Variants in ZNF34 observed in about 807,000 individuals in gnomAD.
ZNF34 encodes zinc finger protein 34 (KOX 32).
In ZNF34, 8 loss-of-function variants were observed where a neutral mutation model predicts 14.4. The ratio of observed to expected loss-of-function variants is 0.55; its 90% CI spans 0.33 to 1.00. The LOEUF is 1.00. Among genes scored for constraint, ZNF34 ranks in the 50% least tolerant of loss-of-function variants. ZNF34 has a pLI of 0.03. For synonymous variants in ZNF34, 235 were observed against 247.9 expected, an observed-to-expected ratio of 0.95 and a Z score of 0.49; for missense variants, 538 against 674.2, an observed-to-expected ratio of 0.80 and a Z score of 2.24.
At position 144,773,566 on chromosome 8, in the gene ZNF34, G is replaced by T. The variant is rs1003868744; in HGVS notation, c.1320C>A (p.His440Gln). Residue 440 changes from histidine to glutamine, a missense_variant, in exon 6 of 6, where the codon CAC (histidine) becomes CAA (glutamine). By Grantham distance (24) the His-to-Gln change is conservative. Transcript: ENST00000429371. The surrounding 1 kb of genome is among the most constrained non-coding windows in gnomAD (Gnocchi z 5.4). ...TGTGGATTCTCTGGTGCTGGATGAG[G>T]TGTGTGCTTTGGCTGAAAACTTTGC... ...DCGKVFSQST[H>Q]LIQHQRIHTG... The T allele has an allele frequency of 6.2e-7, 1 of 1,613,892 alleles. No homozygotes were observed. The highest frequency in any genetic ancestry group is 1.3e-5 in the African/African-American group (1 of 74,852).
intron 3 of ZNF34, 105 bp from the exon 4 acceptor site, chr8:144,778,269 T>C: frequency 6.7e-7 from 1 of 1,488,390 alleles, no homozygotes. Context: ...GTGGGTGGCC[T>C]GACCCATCTG....
At chr8:144,784,195 C>A in intron 1 of ZNF34, among the ~76,000 whole-genome samples, 1 of 146,656 alleles carries the variant, frequency 6.8e-6, no homozygotes. Context: ...TAAGGCAATA[C>A]CAAAAAAACA....
At position 144,779,043 on chromosome 8, in the gene ZNF34, T is replaced by G. The variant is rs562939404; in HGVS notation, c.-54-518A>C. On this transcript the variant is annotated intron_variant, in intron 2 of 5. Transcript: ENST00000429371. This position sits in a 1 kb window ranked among gnomAD's most constrained non-coding sequence, Gnocchi z 4.1. ...GGAAGGCTGCCCTGCCGCTCCATAA[T>G]CTAAGCCAAGGCATAAAAACCCTCA... 4.4e-4 allele frequency among the ~76,000 whole-genome samples: 67 copies of G among 152,140 alleles called. No homozygotes were observed. In the South Asian group the frequency reaches 5.4e-3, roughly 12 times the overall value.
rs559281166 is a variant in ZNF34, at chr8:144,772,625, C to T, written c.*641G>A. On this transcript the variant is annotated 3_prime_UTR_variant, in exon 6 of 6. Coordinates refer to ENST00000429371, the MANE Select transcript of ZNF34 (RefSeq NM_001286769.2). ...CACAGTCTTGGCTCACTGCAACCTC[C>T]GCCTCCCAGGTTCAAGCAATGCTCC... Among the ~76,000 whole-genome samples the T allele has an allele frequency of 5.8e-4, 88 of 152,268 alleles. 1 individual carries two copies. Among genetic ancestry groups the T allele is most frequent in the Non-Finnish European group, 1.1e-3 (75 of 68,012 alleles).
rs765400610 is a variant in ZNF34 at position 144,778,460 on chromosome 8, C to G, written c.12G>C (p.Leu4Phe). MAALFLSAPPQAEV... is the reference protein window; with the variant it reads MAAFFLSAPPQAEV... ...TCACCTGGGGTGGGGCAGACAGGAA[C>G]AAGGCCGCCATTGCCTGAGGGTTGG... The change falls in exon 3 of 6, where the codon TTG becomes TTC. Residue 4 changes from leucine to phenylalanine, a missense_variant. Around this residue, in one of 3 missense-constraint regions of ZNF34, gnomAD observed 431 missense variants for 525.7 expected, o/e 0.82. Transcript: ENST00000429371. 6.3e-6 allele frequency: 10 copies of G among 1,588,904 alleles called. No individual in the cohort carries two copies. Among genetic ancestry groups the G allele is most frequent in the Admixed American group, 5.4e-5 (3 of 55,810 alleles).
intron 5 of ZNF34, among the ~76,000 whole-genome samples, chr8:144,776,017 A>G (rs987472826): frequency 6.6e-6 from 1 of 152,160 alleles, no homozygotes; most frequent in Admixed American, 6.5e-5. Flanking sequence ...ACACACTATC[A>G]TTTCTGTTAA....
In ZNF34 at chr8:144,782,842, C is replaced by CAA. The variant is rs548252812; in HGVS notation, c.-107-2564_-107-2563dup. Among the ~76,000 whole-genome samples the CAA allele has an allele frequency of 6.8e-3, 155 of 22,918 alleles. 15 individuals carry two copies. The highest frequency in any genetic ancestry group is 0.018 in the East Asian group (3 of 164). 15.0% of individuals were successfully genotyped at this position (22,918 alleles called of 152,430 possible). On this transcript the variant is annotated intron_variant, in intron 1 of 5. Transcript: ENST00000429371. ...ACAGAGACAGAACCAAAGCCTATCTCAAAAAAAAAAAAAAAAAAAAAAAAA... is the reference window on the plus strand; with the variant it reads ...ACAGAGACAGAACCAAAGCCTATCTCAAAAAAAAAAAAAAAAAAAAAAAAAAA...
At chr8:144,785,144 T>C (rs1182005542) in intron 1 of ZNF34, among the ~76,000 whole-genome samples, 1 of 149,338 alleles carries the variant, frequency 6.7e-6, no homozygotes, top group Non-Finnish European at 1.5e-5. Flanking sequence ...AAGGATTCTG[T>C]ACAAGACACC....
At chr8:144,787,185 C>A (rs1249860412) in intron 1 of ZNF34, 94 bp downstream of exon 1, 1 of 152,352 alleles carries the variant, frequency 6.6e-6, no homozygotes, top group African/African-American at 2.4e-5. Flanking sequence ...TGCAGCACCG[C>A]GAGAGGACCG....
intron 1 of ZNF34, among the ~76,000 whole-genome samples, chr8:144,780,616 C>T (rs530985876): frequency 1.3e-5 from 2 of 151,586 alleles, no homozygotes; most frequent in East Asian, 2.0e-4. Flanking sequence ...GTGGTGAAAC[C>T]CTGTCTCTAC....
At chr8:144,778,548 G>GT in intron 2 of ZNF34, 23 bp from the exon 3 acceptor site, 1 of 1,526,932 alleles carries the variant, frequency 6.5e-7, no homozygotes, top group Non-Finnish European at 8.8e-7. Context: ...AACGCAACAA[G>GT]TGGAGGCCCA....
chr8:144,782,670 C>CTACAAAAAA (rs1236764097), intron 1 of ZNF34, among the ~76,000 whole-genome samples: 1 of 149,564 alleles, frequency 6.7e-6, no homozygotes, highest in African/African-American at 2.5e-5. Context: ...AAACCCCTCT[C>CTACAAAAAA]TACAAAAAAT....
In ZNF34 at chr8:144,773,981, A is replaced by C. The variant is rs377197556; in HGVS notation, c.905T>G (p.Met302Arg). 5.0e-6 allele frequency: 8 copies of C among 1,614,120 alleles called. No individual in the cohort carries two copies. ...CCCAGTGTGAATCCTCTGGTGCTTC[A>C]TGAGGTTGGGCCTCCGGGTGAATGT... is the stretch of plus-strand genomic sequence containing the variant. ...GKTFTRRPNLMKHQRIHTGEK... is the reference protein window; with the variant it reads ...GKTFTRRPNLRKHQRIHTGEK... The change falls in exon 6 of 6, where the codon ATG becomes AGG. Residue 302 changes from methionine (M) to arginine (R), a missense_variant. Met to Arg is a moderately conservative substitution (Grantham distance 91, BLOSUM62 -1). Around this residue, in one of 3 missense-constraint regions of ZNF34, gnomAD observed 431 missense variants for 525.7 expected, o/e 0.82. Coordinates refer to ENST00000429371, the MANE Select transcript of ZNF34 (RefSeq NM_001286769.2). This position sits in a 1 kb window ranked among gnomAD's most constrained non-coding sequence, Gnocchi z 5.4.
intron 4 of ZNF34, 34 bp downstream of exon 4, chr8:144,778,004 T>C: frequency 1.2e-6 from 2 of 1,611,586 alleles, no homozygotes; most frequent in Non-Finnish European, 1.7e-6. Flanking sequence ...CCCCCAGGGC[T>C]GTTCCCAGAG....
intron 1 of ZNF34, among the ~76,000 whole-genome samples, chr8:144,786,134 G>A (rs761337139): frequency 5.3e-5 from 8 of 151,598 alleles, no homozygotes; most frequent in Non-Finnish European, 1.2e-4. Flanking sequence ...ACAGGCGCCC[G>A]CTACCACGCC....
At chr8:144,775,070 C>T (rs1356133910) in intron 5 of ZNF34, among the ~76,000 whole-genome samples, 1 of 152,250 alleles carries the variant, frequency 6.6e-6, no homozygotes, top group East Asian at 1.9e-4. Context: ...ATTAATACAA[C>T]AGACTGACCA....
Position 144,777,920 on chromosome 8 carries a change from GCCTGGGATAAAGGTCATCA to G in ZNF34, c.160+99_160+117del, listed in dbSNP as rs1825625305. ...CCTCATCTTCTCAGATCAGGTGCCT[GCCTGGGATAAAGGTCATCA>G]CCTATCTGTGCCCAGGGGGTGAGGC... On this transcript the variant is annotated intron_variant, in intron 4 of 5. Transcript: ENST00000429371. This position sits in a 1 kb window ranked among gnomAD's most constrained non-coding sequence, Gnocchi z 4.8. 1.1e-5 allele frequency: 16 copies of G among 1,438,674 alleles called. No individual in the cohort carries two copies. The highest frequency in any genetic ancestry group is 1.5e-5 in the Non-Finnish European group (16 of 1,055,202). The allele number at this position is 1,438,674 out of a possible 1,614,324, so 89.1% of individuals were successfully genotyped here. A position where few individuals can be genotyped will look rare whatever the true frequency, so the allele number is the denominator to read the frequency against.
Position 144,772,273 on chromosome 8 carries a change from A to C in ZNF34, c.*993T>G, listed in dbSNP as rs1825227956. Among the ~76,000 whole-genome samples the C allele has an allele frequency of 6.6e-6, 1 of 152,224 alleles. No individual in the cohort carries two copies. The highest frequency in any genetic ancestry group is 2.4e-5 in the African/African-American group (1 of 41,460). On this transcript the variant is annotated 3_prime_UTR_variant, in exon 6 of 6. Coordinates refer to ENST00000429371, the MANE Select transcript of ZNF34 (RefSeq NM_001286769.2). ...GTTCCTAGAATAGGCAAATTCAAAG[A>C]GACAGAAAATAGAATTGAGGTTACC...
At chr8:144,775,770 T>C (rs1825475958) in intron 5 of ZNF34, among the ~76,000 whole-genome samples, 1 of 152,214 alleles carries the variant, frequency 6.6e-6, no homozygotes, top group Non-Finnish European at 1.5e-5. Flanking sequence ...TTCATAAAAA[T>C]TCACTGAGTT....
Sources: allele counts gnomAD v4.1 joint callset (sites outside exome capture counted in the v4.1 genomes callset), GRCh38; gene constraint gnomAD v4.1.1; regional missense constraint gnomAD v4.1.1; non-coding constraint Gnocchi (gnomAD v3.1); transcripts MANE v1.5; gene names NCBI Gene and HGNC (gene_info 2026-07-23, HGNC 2026-07-21).